Variants in SSH2 observed in about 807,000 individuals in gnomAD.
The protein encoded by SSH2 is protein phosphatase Slingshot homolog 2.
Under a neutral mutation model 135.2 loss-of-function variants are expected in SSH2, and 37 were observed. The ratio of observed to expected loss-of-function variants is 0.27; its 90% CI spans 0.21 to 0.36. The LOEUF (loss-of-function observed/expected upper bound fraction) is 0.36. Among genes scored for constraint, SSH2 ranks in the 10% least tolerant of loss-of-function variants. The probability of loss-of-function intolerance (pLI) is 1.00; values close to 1 mark genes in which losing one functional copy is unlikely to be tolerated. For synonymous variants in SSH2, 628 were observed against 646.2 expected (o/e 0.97, Z 0.43); for missense variants, 1,408 against 1,765.3 (o/e 0.80, Z 3.63).
chr17:29,652,953 GCCT>G (rs1179670772), intron 12 of SSH2, among the ~76,000 whole-genome samples: 1 of 152,108 alleles, frequency 6.6e-6, no homozygotes, highest in African/African-American at 2.4e-5. Flanking sequence ...ACCTTGCCCG[GCCT>G]CCTTATTTTA....
At chr17:29,901,131 G>T (rs532689220) in intron 1 of SSH2, among the ~76,000 whole-genome samples, 11 of 152,250 alleles carry the variant, frequency 7.2e-5, no homozygotes, top group Admixed American at 6.5e-4. Flanking sequence ...GCCTGTTGTG[G>T]GTTGGGGGGA....
intron 3 of SSH2, among the ~76,000 whole-genome samples, chr17:29,730,615 T>C (rs2040152771): frequency 6.6e-6 from 1 of 151,916 alleles, no homozygotes; most frequent in South Asian, 2.1e-4. Flanking sequence ...TTTTTGGTAA[T>C]TTTTGTAGAG....
rs34507312 is a variant in SSH2 at position 29,628,080 on chromosome 17, A to AGG, written c.*2760_*2761insCC. ...GAAAGATGCCACTGGAGATTATAAAAGTCTGAAGAGAAGACAGTCTGGAAA... is the reference window on the plus strand; with the variant it reads ...GAAAGATGCCACTGGAGATTATAAAAGGGTCTGAAGAGAAGACAGTCTGGAAA... On this transcript the variant is annotated 3_prime_UTR_variant, in exon 16 of 16. Transcript: ENST00000540801. 1 of 33,038 alleles carries AGG rather than the reference A, an allele frequency of 3.0e-5. No homozygotes were observed. Among genetic ancestry groups the AGG allele is most frequent in the African/African-American group, 1.3e-3 (1 of 796 alleles). 2.0% of individuals were successfully genotyped at this position (33,038 alleles called of 1,614,324 possible).
rs1425807456 is a variant in SSH2 at position 29,628,209 on chromosome 17, T to G, written c.*2632A>C. On this transcript the variant is annotated 3_prime_UTR_variant, in exon 16 of 16. Coordinates refer to ENST00000540801, the MANE Select transcript of SSH2 (RefSeq NM_001282129.2). ...GTCTGAAAAGGCTGGCACAAACTCC[T>G]TGGCATGGTTGAATGACAGATATTC... 6.6e-6 allele frequency: 1 copy of G among 152,210 alleles called. No individual in the cohort carries two copies. The highest frequency in any genetic ancestry group is 2.4e-5 in the African/African-American group (1 of 41,454). The allele number at this position is 152,210 out of a possible 1,614,324, so 9.4% of individuals were successfully genotyped here. A position where few individuals can be genotyped will look rare whatever the true frequency, so the allele number is the denominator to read the frequency against.
chr17:29,777,609 A>G (rs139993505), intron 3 of SSH2: 1 of 152,300 alleles, frequency 6.6e-6, no homozygotes, highest in African/African-American at 2.4e-5. Context: ...GTCATTACAA[A>G]CAATTCTTTC....
chr17:29,655,356 G>C (rs754200778), intron 12 of SSH2, among the ~76,000 whole-genome samples: 3 of 152,176 alleles, frequency 2.0e-5, no homozygotes, highest in Non-Finnish European at 4.4e-5. Flanking sequence ...ACCCGCCTCA[G>C]CTTCCCAAAG....
intron 2 of SSH2, among the ~76,000 whole-genome samples, chr17:29,826,976 G>A (rs183842357): frequency 2.6e-5 from 4 of 152,212 alleles, no homozygotes; most frequent in African/African-American, 4.8e-5. Flanking sequence ...AAGAGAGCTC[G>A]ACTTTTTCAT....
At chr17:29,739,208 C>T (rs1029021989) in intron 3 of SSH2, among the ~76,000 whole-genome samples, 4 of 152,214 alleles carry the variant, frequency 2.6e-5, no homozygotes, top group African/African-American at 7.2e-5. Context: ...GGTTCAGAAA[C>T]GACATAAATA....
chr17:29,735,934 CAAA>C (rs2040348727), intron 3 of SSH2, among the ~76,000 whole-genome samples: 1 of 151,382 alleles, frequency 6.6e-6, no homozygotes, highest in African/African-American at 2.4e-5. Context: ...CCATCTCTAC[CAAA>C]AATACAAAAA....
intron 1 of SSH2, among the ~76,000 whole-genome samples, chr17:29,867,387 TC>T (rs1320945319): frequency 6.6e-6 from 1 of 151,974 alleles, no homozygotes; most frequent in Non-Finnish European, 1.5e-5. Context: ...ACCATCAACT[TC>T]CCCCAGCCCC....
intron 3 of SSH2, chr17:29,793,614 C>T (rs2042108908): frequency 3.9e-6 from 1 of 254,414 alleles, no homozygotes; most frequent in Non-Finnish European, 7.5e-6. Context: ...AACTGGATTC[C>T]TAAAGCATTC....
chr17:29,688,256 G>A (rs904766949), intron 5 of SSH2, among the ~76,000 whole-genome samples: 12 of 151,712 alleles, frequency 7.9e-5, no homozygotes, highest in African/African-American at 2.4e-4. Context: ...TGATCCACCC[G>A]CCTCGGCCTC....
chr17:29,861,570 C>CTT (rs138547768), intron 1 of SSH2, among the ~76,000 whole-genome samples: 20 of 148,432 alleles, frequency 1.3e-4, no homozygotes, highest in East Asian at 2.0e-4. Context: ...TAATCTTCTT[C>CTT]TTTTTTTTTT....
chr17:29,910,468 T>C (rs890774843), intron 1 of SSH2, among the ~76,000 whole-genome samples: 1 of 152,200 alleles, frequency 6.6e-6, no homozygotes, highest in Non-Finnish European at 1.5e-5. Context: ...AGCAACTGAA[T>C]TCCCAAAATA....
intron 1 of SSH2, among the ~76,000 whole-genome samples, chr17:29,891,256 C>T (rs2066345174): frequency 6.6e-6 from 1 of 152,180 alleles, no homozygotes; most frequent in African/African-American, 2.4e-5. Context: ...TTAAAAAACA[C>T]ACAGTCCTGA....
chr17:29,792,066 G>T (rs1428215225), intron 3 of SSH2, among the ~76,000 whole-genome samples: 1 of 151,814 alleles, frequency 6.6e-6, no homozygotes, highest in Non-Finnish European at 1.5e-5. Context: ...GGGATTACAG[G>T]CATGCACCAC....
intron 1 of SSH2, among the ~76,000 whole-genome samples, chr17:29,881,227 C>T (rs1314062270): frequency 1.3e-5 from 2 of 152,022 alleles, no homozygotes; most frequent in Non-Finnish European, 2.9e-5. Context: ...AGACTAGAAA[C>T]TAGAATTTGA....
At chr17:29,680,206 A>C (rs2037912981) in intron 6 of SSH2, among the ~76,000 whole-genome samples, 2 of 152,140 alleles carry the variant, frequency 1.3e-5, no homozygotes, top group African/African-American at 4.8e-5. Flanking sequence ...GCAGGGTTAA[A>C]GGAGGCTAGC....
In SSH2 at chr17:29,805,336, T is replaced by C. The variant is rs188307494; in HGVS notation, c.145-11399A>G. Among the ~76,000 whole-genome samples, 4 of 151,986 alleles carry C rather than the reference T, an allele frequency of 2.6e-5. No individual in the cohort carries two copies. In the East Asian group the frequency reaches 7.8e-4, roughly 30 times the overall value. Reference sequence around the variant, plus strand: ...CGCCCGGCTAATTTTTTGTATTTTTTAGTAGAGACGGGGTTTCACCATGTT... The same window carrying C: ...CGCCCGGCTAATTTTTTGTATTTTTCAGTAGAGACGGGGTTTCACCATGTT... On this transcript the variant is annotated intron_variant, in intron 2 of 15. Coordinates refer to ENST00000540801, the MANE Select transcript of SSH2 (RefSeq NM_001282129.2).
Sources: gnomAD v4.1 joint callset for allele counts (sites outside exome capture counted in the v4.1 genomes callset) on GRCh38, gnomAD v4.1.1 for gene constraint, MANE v1.5 for transcripts, NCBI Gene and HGNC (gene_info 2026-07-23, HGNC 2026-07-21) for gene names.